Variants in DPP10 observed in about 807,000 individuals in gnomAD.
DPP10 encodes inactive dipeptidyl peptidase 10.
DPP10 carries 33 observed loss-of-function variants against 120.9 expected under a neutral mutation model. The ratio of observed to expected loss-of-function variants is 0.27; its 90% CI spans 0.21 to 0.37. DPP10 has a LOEUF of 0.37. DPP10 is among the 10% of genes least tolerant of loss of function. DPP10 has a pLI of 1.00. For synonymous variants in DPP10, 337 were observed against 326.1 expected (o/e 1.03, Z -0.36); for missense variants, 816 against 942.8 (o/e 0.87, Z 1.76).
At chr2:115,163,036 C>G (rs1172610124) in intron 1 of DPP10, among the ~76,000 whole-genome samples, 2 of 152,062 alleles carry the variant, frequency 1.3e-5, no homozygotes, top group African/African-American at 4.8e-5. Flanking sequence ...ACTGTGGACC[C>G]GCGGGACCCA....
chr2:115,692,379 T>G (rs1394668760), intron 7 of DPP10, among the ~76,000 whole-genome samples: 1 of 152,046 alleles, frequency 6.6e-6, no homozygotes, highest in Non-Finnish European at 1.5e-5. Context: ...ATAATTATGT[T>G]TCTAAGAGTT....
chr2:114,833,740 A>T (rs937457778), intron 1 of DPP10: 1 of 152,216 alleles, frequency 6.6e-6, no homozygotes, highest in Non-Finnish European at 1.5e-5. Context: ...AGGATGACAT[A>T]AAGATGCTGC....
At position 115,842,515 on chromosome 2, in the gene DPP10, T is replaced by G. The variant is rs955364368; in HGVS notation, c.*170T>G. On this transcript the variant is annotated 3_prime_UTR_variant, in exon 26 of 26. Coordinates refer to ENST00000410059, the MANE Select transcript of DPP10 (RefSeq NM_020868.6). The stretch of plus-strand genomic sequence containing the variant: ...GCATTTGAATACACAAGTCCAAGTC[T>G]ACTGTGTTGCTAGGGGTGCAGAACC... 15 of 721,148 alleles carry G rather than the reference T, an allele frequency of 2.1e-5. No individual in the cohort carries two copies. The highest frequency in any genetic ancestry group is 2.9e-5 in the Non-Finnish European group (14 of 485,622). 44.7% of individuals were successfully genotyped at this position (721,148 alleles called of 1,614,324 possible).
intron 5 of DPP10, among the ~76,000 whole-genome samples, chr2:115,558,304 G>C (rs1489345316): frequency 1.3e-5 from 2 of 152,086 alleles, no homozygotes. Flanking sequence ...TAGAAGATCT[G>C]CACATAATTT....
intron 1 of DPP10, among the ~76,000 whole-genome samples, chr2:114,471,181 A>G (rs2104615580): frequency 6.6e-6 from 1 of 152,352 alleles, no homozygotes; most frequent in Non-Finnish European, 1.5e-5. Flanking sequence ...GTTACTTAAT[A>G]AGTAATAAAA....
chr2:114,698,646 C>CAAGGCTCAATCAGTCAAGGGATCTTGGA (rs1196257622), intron 1 of DPP10, among the ~76,000 whole-genome samples: 1 of 151,954 alleles, frequency 6.6e-6, no homozygotes, highest in African/African-American at 2.4e-5. Flanking sequence ...GTCAGGAGAA[C>CAAGGCTCAATCAGTCAAGGGATCTTGGA]AAGGCTCAAT....
intron 1 of DPP10, among the ~76,000 whole-genome samples, chr2:114,595,152 G>C (rs145387170): frequency 0.017 from 2,626 of 152,086 alleles, 48 homozygotes; most frequent in South Asian, 0.052. Flanking sequence ...CTAAAGTCCC[G>C]TCTCCAGTTT....
chr2:115,669,556 T>C (rs1251344232), intron 5 of DPP10, among the ~76,000 whole-genome samples: 1 of 152,126 alleles, frequency 6.6e-6, no homozygotes, highest in Non-Finnish European at 1.5e-5. Flanking sequence ...TAATAATACA[T>C]ATCTTTATTT....
intron 1 of DPP10, among the ~76,000 whole-genome samples, chr2:114,651,198 C>T (rs540014487): frequency 1.3e-5 from 2 of 152,156 alleles, no homozygotes; most frequent in Admixed American, 6.5e-5. Flanking sequence ...AACTAACATG[C>T]ACTTGACTTG....
intron 1 of DPP10, among the ~76,000 whole-genome samples, chr2:114,739,433 C>T (rs772174786): frequency 5.3e-5 from 8 of 152,078 alleles, no homozygotes; most frequent in Admixed American, 5.2e-4. Flanking sequence ...CCAAGATGGG[C>T]AGATCACCTA....
chr2:115,820,461 A>G (rs114116951), intron 21 of DPP10, among the ~76,000 whole-genome samples: 1,833 of 149,090 alleles, frequency 0.012, 37 homozygotes, highest in African/African-American at 0.041. Context: ...CAGAGGTTTG[A>G]GGACTAGGTG....
chr2:115,748,846 C>A (rs1282438034), intron 10 of DPP10, among the ~76,000 whole-genome samples: 1 of 152,100 alleles, frequency 6.6e-6, no homozygotes, highest in Non-Finnish European at 1.5e-5. Flanking sequence ...TCTCCTAATT[C>A]TTACCCTCAT....
At chr2:115,346,062 C>G (rs536867222) in intron 3 of DPP10, among the ~76,000 whole-genome samples, 3 of 152,262 alleles carry the variant, frequency 2.0e-5, no homozygotes, top group African/African-American at 7.2e-5. Context: ...GGAACTGTCT[C>G]AATGCCTGTA....
rs573000522 is a variant in DPP10, at chr2:114,920,780, A to G, written c.61-388459A>G. On this transcript the variant is annotated intron_variant, in intron 1 of 25. Coordinates refer to ENST00000410059, the MANE Select transcript of DPP10 (RefSeq NM_020868.6). Reference sequence around the variant, plus strand: ...CTAATCATGGTTTTTCCACTTTTATATTTTTGAGAATTCTAGAGCACAGAA... The same window carrying G: ...CTAATCATGGTTTTTCCACTTTTATGTTTTTGAGAATTCTAGAGCACAGAA... Among the ~76,000 whole-genome samples, 12 of 152,204 alleles carry G rather than the reference A, an allele frequency of 7.9e-5. No homozygotes were observed. In the East Asian group the frequency reaches 1.7e-3, roughly 22 times the overall value.
chr2:115,486,574 A>C lies in DPP10; in HGVS notation c.272-12936A>C, dbSNP rs2075791176. Among the ~76,000 whole-genome samples the C allele has an allele frequency of 2.0e-5, 3 of 152,138 alleles. No individual in the cohort carries two copies. The South Asian group carries it at 6.2e-4, about 31-fold the overall frequency. ...ACATCTTTCCTTTGCCTGGTGATTT[A>C]AATAGACTGGACCATTCAACAAGAG... On this transcript the variant is annotated intron_variant, in intron 3 of 25. Coordinates refer to ENST00000410059, the MANE Select transcript of DPP10 (RefSeq NM_020868.6).
At chr2:115,031,649 A>C (rs950553848) in intron 1 of DPP10, among the ~76,000 whole-genome samples, 1 of 152,180 alleles carries the variant, frequency 6.6e-6, no homozygotes, top group African/African-American at 2.4e-5. Flanking sequence ...CCTTTTCTCC[A>C]ATAATTTCAT....
At chr2:114,843,764 C>T (rs1688339103) in intron 1 of DPP10, among the ~76,000 whole-genome samples, 1 of 152,072 alleles carries the variant, frequency 6.6e-6, no homozygotes. Flanking sequence ...AATGTCTTTC[C>T]TGTGACATTA....
At chr2:115,125,063 T>C (rs1235618066) in intron 1 of DPP10, among the ~76,000 whole-genome samples, 7 of 152,196 alleles carry the variant, frequency 4.6e-5, no homozygotes, top group Non-Finnish European at 7.3e-5. Context: ...TTTCTCTATC[T>C]ACCATAACTG....
intron 1 of DPP10, among the ~76,000 whole-genome samples, chr2:114,730,290 G>C (rs1193030056): frequency 6.6e-6 from 1 of 152,190 alleles, no homozygotes; most frequent in Admixed American, 6.5e-5. Flanking sequence ...ACAGTGGAGA[G>C]TAGATAATAG....
Sources: gnomAD v4.1 joint callset for allele counts (sites outside exome capture counted in the v4.1 genomes callset) on GRCh38, gnomAD v4.1.1 for gene constraint, MANE v1.5 for transcripts, NCBI Gene and HGNC (gene_info 2026-07-23, HGNC 2026-07-21) for gene names.